Variants in ELMOD3 observed in about 807,000 individuals in gnomAD.
ELMOD3 encodes the protein ELMO domain-containing protein 3.
Under a neutral mutation model 47.4 loss-of-function variants are expected in ELMOD3, and 36 were observed. The observed-to-expected ratio is 0.76, with a 90% confidence interval of 0.58 to 1.00. ELMOD3 has a LOEUF of 1.00. Among genes scored for constraint, ELMOD3 ranks in the 50% least tolerant of loss-of-function variants. The pLI is 0.00. For synonymous variants in ELMOD3, 149 were observed against 183.5 expected, an observed-to-expected ratio of 0.81 and a Z score of 1.52; for missense variants, 404 against 463.8, an observed-to-expected ratio of 0.87 and a Z score of 1.18.
intron 6 of ELMOD3, among the ~76,000 whole-genome samples, chr2:85,365,357 A>C (rs72840079): frequency 6.6e-6 from 1 of 150,466 alleles, no homozygotes; most frequent in East Asian, 1.9e-4. Flanking sequence ...CTCAAAAAAA[A>C]ATATATATAT....
chr2:85,384,674 C>A (rs1685807668), intron 11 of ELMOD3, among the ~76,000 whole-genome samples: 1 of 152,188 alleles, frequency 6.6e-6, no homozygotes, highest in Non-Finnish European at 1.5e-5. Flanking sequence ...CAACCTCTAC[C>A]TCCCAGGCTC....
chr2:85,385,241 A>G (rs896322842), intron 11 of ELMOD3, among the ~76,000 whole-genome samples: 6 of 152,206 alleles, frequency 3.9e-5, no homozygotes, highest in Non-Finnish European at 8.8e-5. Context: ...ACCGGAGTGA[A>G]AAGAACACAG....
chr2:85,369,637 A>T (rs1684645185), intron 7 of ELMOD3, 102 bp from the exon 8 acceptor site: 1 of 1,215,632 alleles, frequency 8.2e-7, no homozygotes, highest in Non-Finnish European at 1.2e-6. Flanking sequence ...TTCAACTGGA[A>T]GCCAGTGCTT....
rs1686168912 is a variant in ELMOD3, at chr2:85,389,473, G to A, written c.739-278G>A. Reference sequence around the variant, plus strand: ...ACGGGTCAGGATGATGAAGAGGCTGGAGAGCTAGCACGGGGGTTATGCACA... The same window carrying A: ...ACGGGTCAGGATGATGAAGAGGCTGAAGAGCTAGCACGGGGGTTATGCACA... On this transcript the variant is annotated intron_variant, in intron 11 of 13. Transcript: ENST00000409013. The A allele has an allele frequency of 1.0e-5, 5 of 497,614 alleles. No homozygotes were observed. In the South Asian group the frequency reaches 1.1e-4, roughly 11 times the overall value. 30.8% of individuals were successfully genotyped at this position (497,614 alleles called of 1,614,324 possible).
intron 11 of ELMOD3, among the ~76,000 whole-genome samples, chr2:85,380,703 T>C (rs1685482202): frequency 6.6e-6 from 1 of 152,164 alleles, no homozygotes; most frequent in African/African-American, 2.4e-5. Flanking sequence ...TTTTGTATTA[T>C]TAGTAGAGAC....
chr2:85,377,240 C>G, intron 10 of ELMOD3, 104 bp from the exon 11 acceptor site: 1 of 1,082,720 alleles, frequency 9.2e-7, no homozygotes, highest in Non-Finnish European at 1.3e-6. Context: ...GCTGCTCATG[C>G]TCCGCTAGCC....
chr2:85,386,727 G>A lies in ELMOD3; in HGVS notation c.739-3024G>A, dbSNP rs563013190. Among the ~76,000 whole-genome samples the A allele has an allele frequency of 3.3e-5, 5 of 152,254 alleles. No individual in the cohort carries two copies. The East Asian group carries it at 9.7e-4, about 30-fold the overall frequency. ...AGAATGTTCCCGGGCTGGGTGTGGT[G>A]GCTCACGCCTGTAATCCCAGCACTT... On this transcript the variant is annotated intron_variant, in intron 11 of 13. Coordinates refer to ENST00000409013, the MANE Select transcript of ELMOD3 (RefSeq NM_001135022.2).
chr2:85,357,141 T>TA lies in ELMOD3; in HGVS notation c.-57dup. On this transcript the variant is annotated 5_prime_UTR_variant, in exon 4 of 14. Coordinates refer to ENST00000409013, the MANE Select transcript of ELMOD3 (RefSeq NM_001135022.2). ...CCACATAGCTTCTGATCTCAGACCT[T>TA]ACTAAAATGCTTTCTGGGCCCAAGG... 7.9e-7 allele frequency: 1 copy of TA among 1,273,826 alleles called. No homozygotes were observed. Among genetic ancestry groups the TA allele is most frequent in the Middle Eastern group, 1.9e-4 (1 of 5,352 alleles). The allele number at this position is 1,273,826 out of a possible 1,614,324, so 78.9% of individuals were successfully genotyped here. A position where few individuals can be genotyped will look rare whatever the true frequency, so the allele number is the denominator to read the frequency against.
chr2:85,363,463 G>C (rs569552270), intron 6 of ELMOD3, among the ~76,000 whole-genome samples: 52 of 152,334 alleles, frequency 3.4e-4, no homozygotes, highest in African/African-American at 1.2e-3. Context: ...TATAGGAAAA[G>C]CCTTTGAAAA....
At chr2:85,383,746 G>A (rs1327012781) in intron 11 of ELMOD3, among the ~76,000 whole-genome samples, 2 of 152,180 alleles carry the variant, frequency 1.3e-5, no homozygotes, top group African/African-American at 4.8e-5. Flanking sequence ...AGCATGGATA[G>A]GAGATTTGTC....
In ELMOD3 at chr2:85,391,299, C is replaced by G. The variant is rs1006080774; in HGVS notation, c.*337C>G. ...GGCCCCATCTGGATGTTCTGCAGATCCCCACATGGGAGGAGATTCCCAAGT... is the reference window on the plus strand; with the variant it reads ...GGCCCCATCTGGATGTTCTGCAGATGCCCACATGGGAGGAGATTCCCAAGT... On this transcript the variant is annotated 3_prime_UTR_variant, in exon 14 of 14. Coordinates refer to ENST00000409013, the MANE Select transcript of ELMOD3 (RefSeq NM_001135022.2). The G allele has an allele frequency of 4.4e-6, 1 of 225,600 alleles. No individual in the cohort carries two copies. The highest frequency in any genetic ancestry group is 2.3e-5 in the African/African-American group (1 of 43,470). The allele number at this position is 225,600 out of a possible 1,614,324, so 14.0% of individuals were successfully genotyped here. A position where few individuals can be genotyped will look rare whatever the true frequency, so the allele number is the denominator to read the frequency against.
rs1437492617 is a variant in ELMOD3, at chr2:85,376,072, A to G, written c.608-1272A>G. On this transcript the variant is annotated intron_variant, in intron 10 of 13. Coordinates refer to ENST00000409013, the MANE Select transcript of ELMOD3 (RefSeq NM_001135022.2). This position sits in a 1 kb window ranked among gnomAD's most constrained non-coding sequence, Gnocchi z 4.2. The stretch of plus-strand genomic sequence containing the variant: ...GTCTTAATCCCCTTTGCCATGTTAC[A>G]TAACATAGTCATAGCTTCTGGGGAC... Among the ~76,000 whole-genome samples, 9 of 152,152 alleles carry G rather than the reference A, an allele frequency of 5.9e-5. No homozygotes were observed. Among genetic ancestry groups the G allele is most frequent in the Non-Finnish European group, 1.2e-4 (8 of 68,040 alleles).
intron 5 of ELMOD3, 123 bp from the exon 6 acceptor site, chr2:85,362,974 A>C: frequency 1.6e-6 from 1 of 607,714 alleles, no homozygotes. Flanking sequence ...TCAACCCATC[A>C]GGGCACACTA....
chr2:85,356,238 C>G (rs1683550323), intron 3 of ELMOD3: 1 of 152,280 alleles, frequency 6.6e-6, no homozygotes, highest in African/African-American at 2.4e-5. Context: ...AAGGTTAGAA[C>G]ATCGTGTTGC....
intron 11 of ELMOD3, among the ~76,000 whole-genome samples, chr2:85,384,033 G>A (rs1451691390): frequency 2.6e-5 from 4 of 152,182 alleles, no homozygotes; most frequent in East Asian, 1.9e-4. Flanking sequence ...AAGCAAAAGC[G>A]GGATGACTGA....
At chr2:85,362,695 G>T (rs1287479207) in intron 5 of ELMOD3, among the ~76,000 whole-genome samples, 1 of 152,120 alleles carries the variant, frequency 6.6e-6, no homozygotes, top group African/African-American at 2.4e-5. Flanking sequence ...GAGGCAGGCG[G>T]ATCACTTGAG....
In ELMOD3 at chr2:85,373,076, G is replaced by A. The variant is rs575149293; in HGVS notation, c.607+1514G>A. ...CTGAGACCAGCCTGGCCAACATGGC[G>A]AAACCCCATCTCTACTAAAAATATA... On this transcript the variant is annotated intron_variant, in intron 10 of 13. Transcript: ENST00000409013. 4.6e-5 allele frequency among the ~76,000 whole-genome samples: 7 copies of A among 151,706 alleles called. No homozygotes were observed. In the East Asian group the frequency reaches 9.8e-4, roughly 21 times the overall value.
chr2:85,386,738 G>C (rs1444102357), intron 11 of ELMOD3, among the ~76,000 whole-genome samples: 2 of 151,844 alleles, frequency 1.3e-5, no homozygotes, highest in Non-Finnish European at 2.9e-5. Flanking sequence ...GCTCACGCCT[G>C]TAATCCCAGC....
intron 3 of ELMOD3, chr2:85,356,249 A>C (rs1411555063): frequency 6.6e-6 from 1 of 152,370 alleles, no homozygotes; most frequent in East Asian, 1.9e-4. Context: ...ATCGTGTTGC[A>C]TTTTGAATTT....
Sources: allele counts gnomAD v4.1 joint callset (sites outside exome capture counted in the v4.1 genomes callset), GRCh38; gene constraint gnomAD v4.1.1; non-coding constraint Gnocchi (gnomAD v3.1); transcripts MANE v1.5; gene names NCBI Gene and HGNC (gene_info 2026-07-23, HGNC 2026-07-21).